SLC25A31: variants seen among roughly 807,000 people sequenced by gnomAD.
SLC25A31 encodes the protein ADP/ATP translocase 4.
A neutral mutation model predicts 36.2 loss-of-function variants in SLC25A31; 40 were observed. The ratio of observed to expected loss-of-function variants is 1.10; its 90% CI spans 0.86 to 1.44. The LOEUF (loss-of-function observed/expected upper bound fraction) is 1.44, where lower values mean the gene tolerates loss of function less well. SLC25A31 is among the 40% of genes most tolerant of loss of function. SLC25A31 has a pLI of 0.00. For synonymous variants in SLC25A31, 143 were observed against 149.7 expected, an observed-to-expected ratio of 0.96 and a Z score of 0.32; for missense variants, 350 against 397.1, an observed-to-expected ratio of 0.88 and a Z score of 1.01.
rs754429888 is a variant in SLC25A31 at position 127,767,221 on chromosome 4, G to A, written c.633+1G>A. 1.1e-5 allele frequency: 17 copies of A among 1,567,106 alleles called. No homozygotes were observed. Among genetic ancestry groups the A allele is most frequent in the Middle Eastern group, 1.7e-4 (1 of 5,876 alleles). On this transcript the variant is annotated splice_donor_variant, in intron 4 of 5. Transcript: ENST00000281154. LOFTEE classifies it high-confidence loss of function. Reference sequence around the variant, plus strand: ...TTTTGGAGCTTATGACACAGTTAAGGTAATCTGGGGGCTTTAACTTGGACA... The same window carrying A: ...TTTTGGAGCTTATGACACAGTTAAGATAATCTGGGGGCTTTAACTTGGACA...
Position 127,764,343 on chromosome 4 carries a change from G to A in SLC25A31, c.461G>A (p.Gly154Asp), listed in dbSNP as rs1732198998. 2 of 1,613,042 alleles carry A rather than the reference G, an allele frequency of 1.2e-6. No individual in the cohort carries two copies. Among genetic ancestry groups the A allele is most frequent in the Non-Finnish European group, 1.7e-6 (2 of 1,179,348 alleles). The change falls in exon 3 of 6, where the codon GGT becomes GAT. Residue 154 changes from glycine (G) to aspartate (D), a missense_variant. Coordinates refer to ENST00000281154, the MANE Select transcript of SLC25A31 (RefSeq NM_031291.4). ...YPLDFARTRL[G>D]VDIGKGPEER... ...CTAGATTTTGCCCGAACCCGATTAG[G>A]TGTCGATATTGGAAAAGGTATGAGA...
intron 1 of SLC25A31, among the ~76,000 whole-genome samples, chr4:127,737,116 G>A (rs759455591): frequency 6.6e-6 from 1 of 152,170 alleles, no homozygotes; most frequent in Non-Finnish European, 1.5e-5. Context: ...ATAAGAATAA[G>A]ATGTTTTAGT....
intron 1 of SLC25A31, among the ~76,000 whole-genome samples, chr4:127,738,486 T>C (rs2148753835): frequency 6.6e-6 from 1 of 152,334 alleles, no homozygotes. Context: ...GTTGATATAA[T>C]TTCTATTTTT....
intron 1 of SLC25A31, 100 bp from the exon 2 acceptor site, chr4:127,744,572 A>T: frequency 1.0e-6 from 1 of 990,730 alleles, no homozygotes; most frequent in Non-Finnish European, 1.4e-6. Context: ...CATAAGAAAG[A>T]GTATGTTTTA....
intron 1 of SLC25A31, 41 bp from the exon 2 acceptor site, chr4:127,744,631 A>G (rs1480841149): frequency 1.3e-6 from 2 of 1,527,788 alleles, no homozygotes; most frequent in South Asian, 2.7e-5. Flanking sequence ...TTGTTTAATA[A>G]TACAATGTAG....
At chr4:127,737,887 T>C (rs985320435) in intron 1 of SLC25A31, among the ~76,000 whole-genome samples, 2 of 152,112 alleles carry the variant, frequency 1.3e-5, no homozygotes, top group Non-Finnish European at 2.9e-5. Flanking sequence ...ACTCATTTTT[T>C]ATATACTCAG....
Position 127,745,233 on chromosome 4 carries a change from T to C in SLC25A31, c.360+434T>C, listed in dbSNP as rs147911825. On this transcript the variant is annotated intron_variant, in intron 2 of 5. Coordinates refer to ENST00000281154, the MANE Select transcript of SLC25A31 (RefSeq NM_031291.4). ...GATATATTTAGCTGAGATTAAAGTG[T>C]ATAGGAAGTCCAAATGGAGCAAAAC... Among the ~76,000 whole-genome samples the C allele has an allele frequency of 1.8e-3, 279 of 152,228 alleles. 3 individuals are homozygous for C. Among genetic ancestry groups the C allele is most frequent in the African/African-American group, 6.6e-3 (275 of 41,532 alleles).
chr4:127,745,583 T>C (rs1433360114), intron 2 of SLC25A31, among the ~76,000 whole-genome samples: 3 of 152,200 alleles, frequency 2.0e-5, no homozygotes, highest in South Asian at 2.1e-4. Context: ...AGCAAGTCTT[T>C]GTGGAACATT....
At chr4:127,732,094 A>G (rs1731537786) in intron 1 of SLC25A31, among the ~76,000 whole-genome samples, 2 of 152,240 alleles carry the variant, frequency 1.3e-5, no homozygotes. Context: ...CAGATATTTT[A>G]TATAATCCAC....
chr4:127,761,981 T>G (rs1186357665), intron 2 of SLC25A31, among the ~76,000 whole-genome samples: 1 of 152,214 alleles, frequency 6.6e-6, no homozygotes, highest in Non-Finnish European at 1.5e-5. Flanking sequence ...ATTATTTCTG[T>G]ATGATGAGAC....
intron 2 of SLC25A31, among the ~76,000 whole-genome samples, chr4:127,762,309 G>T (rs1418377555): frequency 1.3e-5 from 2 of 152,120 alleles, no homozygotes; most frequent in Non-Finnish European, 2.9e-5. Context: ...CATGCTAAAT[G>T]AAGGAAACCA....
rs1304236845 is a variant in SLC25A31 at position 127,773,472 on chromosome 4, T to C, written c.846T>C (p.Arg282=). Residue 282 remains arginine (R), a synonymous_variant, in exon 6 of 6, where the codon CGT becomes CGC. Transcript: ENST00000281154. ...ATGAAGGAATCAGTTCCTTTTTTCG[T>C]GGCGCCTTCTCCAATGTTCTTCGCG... The part of the protein sequence containing the change: ...YQHEGISSFF[R]GAFSNVLRGT... The C allele has an allele frequency of 6.2e-7, 1 of 1,614,138 alleles. No homozygotes were observed. Among genetic ancestry groups the C allele is most frequent in the South Asian group, 1.1e-5 (1 of 91,080 alleles).
intron 2 of SLC25A31, among the ~76,000 whole-genome samples, chr4:127,752,875 T>C (rs9995738): frequency 0.67 from 102,314 of 152,084 alleles, 35,103 homozygotes; most frequent in Middle Eastern, 0.8. Context: ...GAGCTTGAAC[T>C]GCACTTTAGA....
intron 2 of SLC25A31, among the ~76,000 whole-genome samples, chr4:127,751,467 C>A (rs1213207705): frequency 6.6e-6 from 1 of 152,158 alleles, no homozygotes; most frequent in African/African-American, 2.4e-5. Context: ...ACCATAAAAA[C>A]CCTAGAAGAA....
At chr4:127,754,265 A>G (rs566451152) in intron 2 of SLC25A31, among the ~76,000 whole-genome samples, 1 of 152,264 alleles carries the variant, frequency 6.6e-6, no homozygotes. Flanking sequence ...CTTCTATTCA[A>G]CAAAGTACTA....
chr4:127,730,446 G>C lies in SLC25A31; in HGVS notation c.-100G>C, dbSNP rs1444098635. On this transcript the variant is annotated 5_prime_UTR_variant, in exon 1 of 6. Coordinates refer to ENST00000281154, the MANE Select transcript of SLC25A31 (RefSeq NM_031291.4). The stretch of plus-strand genomic sequence containing the variant: ...CGTCCCAAGAGCCACTTTCTCGCCA[G>C]TACGATGCTGCAGCGGTTTTCCGGT... 3.1e-6 allele frequency: 4 copies of C among 1,283,930 alleles called. No homozygotes were observed. Among genetic ancestry groups the C allele is most frequent in the Non-Finnish European group, 4.4e-6 (4 of 916,760 alleles). 79.5% of individuals were successfully genotyped at this position (1,283,930 alleles called of 1,614,324 possible).
At chr4:127,732,983 A>G (rs1378461109) in intron 1 of SLC25A31, among the ~76,000 whole-genome samples, 2 of 152,230 alleles carry the variant, frequency 1.3e-5, no homozygotes, top group Admixed American at 1.3e-4. Flanking sequence ...ATGAAGATTT[A>G]TCCCGCAACC....
rs537074779 is a variant in SLC25A31 at position 127,738,890 on chromosome 4, T to C, written c.233-5782T>C. ...TCTTTGTCCTTTTTATTTTTGCTGG[T>C]TTAAACTCTGTTATATCTCATATAA... On this transcript the variant is annotated intron_variant, in intron 1 of 5. Coordinates refer to ENST00000281154, the MANE Select transcript of SLC25A31 (RefSeq NM_031291.4). Among the ~76,000 whole-genome samples, 38 of 152,342 alleles carry C rather than the reference T, an allele frequency of 2.5e-4. 1 individual carries two copies. The South Asian group carries it at 7.9e-3, about 32-fold the overall frequency.
chr4:127,767,964 A>G (rs902570442), intron 4 of SLC25A31, among the ~76,000 whole-genome samples: 5 of 152,014 alleles, frequency 3.3e-5, no homozygotes, highest in Admixed American at 2.6e-4. Context: ...AATAAATAAT[A>G]AAAAAATAAA....
Sources: allele counts gnomAD v4.1 joint callset (sites outside exome capture counted in the v4.1 genomes callset), GRCh38; gene constraint gnomAD v4.1.1; transcripts MANE v1.5; gene names NCBI Gene and HGNC (gene_info 2026-07-23, HGNC 2026-07-21).